Variants in PPP1R12B observed in about 807,000 individuals in gnomAD.
PPP1R12B encodes the protein protein phosphatase 1 regulatory subunit 12B.
A neutral mutation model predicts 126.1 loss-of-function variants in PPP1R12B; 76 were observed. The ratio of observed to expected loss-of-function variants is 0.60; its 90% CI spans 0.50 to 0.73. The LOEUF (loss-of-function observed/expected upper bound fraction) is 0.73. Ranked by LOEUF, PPP1R12B falls within the 30% of genes least tolerant of loss-of-function variation. PPP1R12B has a pLI of 0.00. For synonymous variants in PPP1R12B, 356 were observed against 434.7 expected, an observed-to-expected ratio of 0.82 and a Z score of 2.25; for missense variants, 1,052 against 1,205.1, an observed-to-expected ratio of 0.87 and a Z score of 1.88.
intron 3 of PPP1R12B, among the ~76,000 whole-genome samples, chr1:202,424,214 G>GCTAA (rs1669190710): frequency 6.6e-6 from 1 of 152,108 alleles, no homozygotes; most frequent in Non-Finnish European, 1.5e-5. Context: ...TTCCAGCACT[G>GCTAA]CTAACACTTC....
At chr1:202,377,843 T>TTG (rs1558150109) in intron 1 of PPP1R12B, among the ~76,000 whole-genome samples, 1 of 48,438 alleles carries the variant, frequency 2.1e-5, no homozygotes, top group African/African-American at 4.4e-5. Context: ...TTTTTTTTTT[T>TTG]TTTTTTTTTT....
intron 1 of PPP1R12B, among the ~76,000 whole-genome samples, chr1:202,390,284 A>G (rs1232967534): frequency 1.3e-5 from 2 of 152,348 alleles, no homozygotes; most frequent in East Asian, 1.9e-4. Flanking sequence ...AAAATAGATC[A>G]AAGACCTAAA....
chr1:202,504,656 T>C (rs1680618574), intron 18 of PPP1R12B, among the ~76,000 whole-genome samples: 1 of 152,164 alleles, frequency 6.6e-6, no homozygotes, highest in African/African-American at 2.4e-5. Flanking sequence ...CCTTCCAAAT[T>C]TGTATCTTTA....
chr1:202,555,436 C>T (rs1189672941), intron 18 of PPP1R12B, among the ~76,000 whole-genome samples: 1 of 86,696 alleles, frequency 1.2e-5, no homozygotes, highest in African/African-American at 4.5e-5. Flanking sequence ...TCTTACCCAA[C>T]AAATAGGATA....
At chr1:202,485,958 T>C (rs930644127) in intron 13 of PPP1R12B, among the ~76,000 whole-genome samples, 1 of 152,148 alleles carries the variant, frequency 6.6e-6, no homozygotes, top group Non-Finnish European at 1.5e-5. Flanking sequence ...CTCAGCTCAC[T>C]ACAACCTCTG....
At chr1:202,531,730 A>T (rs1171551983) in intron 18 of PPP1R12B, among the ~76,000 whole-genome samples, 2 of 152,176 alleles carry the variant, frequency 1.3e-5, no homozygotes. Flanking sequence ...GTATCTACTC[A>T]GAAGTTTATA....
At chr1:202,428,816 C>G (rs1669864189) in intron 5 of PPP1R12B, 39 bp from the exon 6 acceptor site, 1 of 1,567,578 alleles carries the variant, frequency 6.4e-7, no homozygotes, top group Admixed American at 1.8e-5. Context: ...ATTGCTGCTT[C>G]TGTTTTCTAT....
At chr1:202,368,903 A>G (rs971006456) in intron 1 of PPP1R12B, among the ~76,000 whole-genome samples, 5 of 151,988 alleles carry the variant, frequency 3.3e-5, no homozygotes, top group African/African-American at 1.2e-4. Context: ...GGCTATTTTT[A>G]ATTTTTGTAC....
chr1:202,502,338 G>T (rs1680324276), intron 18 of PPP1R12B: 1 of 985,204 alleles, frequency 1.0e-6, no homozygotes, highest in African/African-American at 1.7e-5. Flanking sequence ...TTAAATGCAA[G>T]GTTTTCAAAC....
rs2149058445 is a variant in PPP1R12B, at chr1:202,592,136, T to C, written c.*11576T>C. 1 of 152,896 alleles carries C rather than the reference T, an allele frequency of 6.5e-6. No homozygotes were observed. Among genetic ancestry groups the C allele is most frequent in the African/African-American group, 2.4e-5 (1 of 41,546 alleles). The allele number at this position is 152,896 out of a possible 1,614,324, so 9.5% of individuals were successfully genotyped here. Reference sequence around the variant, plus strand: ...CAAATCTCCAGCAGGAGGCCCCCTTTATGGCTTTTCAGTGAATTCAAACAG... The same window carrying C: ...CAAATCTCCAGCAGGAGGCCCCCTTCATGGCTTTTCAGTGAATTCAAACAG... On this transcript the variant is annotated 3_prime_UTR_variant, in exon 24 of 24. Coordinates refer to ENST00000608999, the MANE Select transcript of PPP1R12B (RefSeq NM_002481.4).
intron 9 of PPP1R12B, among the ~76,000 whole-genome samples, chr1:202,437,551 T>G (rs1670992156): frequency 6.6e-6 from 1 of 152,132 alleles, no homozygotes; most frequent in Non-Finnish European, 1.5e-5. Flanking sequence ...TGCACAGAGA[T>G]AGCAAATTTC....
chr1:202,559,022 C>A, intron 19 of PPP1R12B, 129 bp downstream of exon 19: 1 of 981,242 alleles, frequency 1.0e-6, no homozygotes, highest in Non-Finnish European at 1.5e-6. Flanking sequence ...ATTTCCACAG[C>A]CACCACAATA....
intron 1 of PPP1R12B, among the ~76,000 whole-genome samples, chr1:202,357,005 A>T (rs1657232409): frequency 6.6e-6 from 1 of 151,916 alleles, no homozygotes; most frequent in African/African-American, 2.4e-5. Flanking sequence ...TATTTTTAGT[A>T]GAGACGTGGT....
chr1:202,460,947 A>G (rs1381021981), intron 13 of PPP1R12B, among the ~76,000 whole-genome samples: 1 of 152,126 alleles, frequency 6.6e-6, no homozygotes, highest in Admixed American at 6.5e-5. Context: ...ATTTTTTTTC[A>G]GAATATGTCT....
chr1:202,389,800 G>A (rs1364373739), intron 1 of PPP1R12B, among the ~76,000 whole-genome samples: 9 of 151,816 alleles, frequency 5.9e-5, no homozygotes, highest in African/African-American at 1.7e-4. Context: ...GGTGGTGCAC[G>A]CTTGCAGTCC....
chr1:202,466,123 A>G (rs1258953799), intron 13 of PPP1R12B, among the ~76,000 whole-genome samples: 2 of 152,156 alleles, frequency 1.3e-5, no homozygotes, highest in African/African-American at 4.8e-5. Context: ...CTCTAGGGTT[A>G]CCATGTCTCA....
intron 1 of PPP1R12B, among the ~76,000 whole-genome samples, chr1:202,353,813 A>T (rs1243827074): frequency 1.3e-5 from 2 of 151,938 alleles, no homozygotes; most frequent in African/African-American, 4.8e-5. Context: ...GGGTCTCACT[A>T]TGTTGCCAGG....
chr1:202,579,816 C>T (rs771532247), intron 23 of PPP1R12B, among the ~76,000 whole-genome samples: 3 of 152,090 alleles, frequency 2.0e-5, no homozygotes, highest in Non-Finnish European at 4.4e-5. Flanking sequence ...TAAATACATG[C>T]CTAGTGTTCA....
intron 1 of PPP1R12B, among the ~76,000 whole-genome samples, chr1:202,416,128 G>T (rs1050733463): frequency 6.6e-6 from 1 of 152,112 alleles, no homozygotes; most frequent in Admixed American, 6.5e-5. Context: ...TCAGTGTTTT[G>T]TAACATACTT....
Sources: allele counts gnomAD v4.1 joint callset (sites outside exome capture counted in the v4.1 genomes callset), GRCh38; gene constraint gnomAD v4.1.1; transcripts MANE v1.5; gene names NCBI Gene and HGNC (gene_info 2026-07-23, HGNC 2026-07-21).